The following CDH10 variants were observed in gnomAD, a reference collection of about 807,000 sequenced individuals.
The protein encoded by CDH10 is cadherin 10, also known as cadherin-10.
CDH10 carries 30 observed loss-of-function variants against 73.1 expected under a neutral mutation model. The ratio of observed to expected loss-of-function variants is 0.41; its 90% CI spans 0.31 to 0.56. The LOEUF is 0.56. Ranked by LOEUF, CDH10 falls within the 20% of genes least tolerant of loss-of-function variation. CDH10 has a pLI of 0.27. For missense variants in CDH10, 815 were observed against 973.7 expected, an observed-to-expected ratio of 0.84 and a Z score of 2.17; for synonymous variants, 345 against 348.2, an observed-to-expected ratio of 0.99 and a Z score of 0.10.
At chr5:24,621,654 T>A in intron 1 of CDH10, among the ~76,000 whole-genome samples, 1 of 152,252 alleles carries the variant, frequency 6.6e-6, no homozygotes, top group East Asian at 1.9e-4. Flanking sequence ...AGAGTCATTT[T>A]GACTAAAGAA....
intron 8 of CDH10, among the ~76,000 whole-genome samples, chr5:24,504,240 C>T (rs1432677560): frequency 1.3e-5 from 2 of 152,032 alleles, no homozygotes; most frequent in Non-Finnish European, 2.9e-5. Context: ...TAGAAGATGT[C>T]CTCTCTATAC....
At chr5:24,493,690 A>AT (rs902222934) in intron 9 of CDH10, among the ~76,000 whole-genome samples, 1 of 151,828 alleles carries the variant, frequency 6.6e-6, no homozygotes, top group African/African-American at 2.4e-5. Context: ...TTTAACTTAT[A>AT]TTTATAATAC....
chr5:24,574,946 C>A (rs1745541701), intron 2 of CDH10, among the ~76,000 whole-genome samples: 1 of 151,788 alleles, frequency 6.6e-6, no homozygotes, highest in African/African-American at 2.4e-5. Flanking sequence ...AGTACAAATA[C>A]CTCAATATGT....
At chr5:24,522,476 A>G (rs2111821254) in intron 5 of CDH10, among the ~76,000 whole-genome samples, 1 of 145,896 alleles carries the variant, frequency 6.9e-6, no homozygotes, top group African/African-American at 2.5e-5. Flanking sequence ...GTTCAAATCC[A>G]AAGCAAGAAA....
chr5:24,491,924 G>C (rs1005328118), intron 10 of CDH10, 97 bp from the exon 11 acceptor site: 1 of 698,346 alleles, frequency 1.4e-6, no homozygotes, highest in South Asian at 2.5e-5. Flanking sequence ...ACATATTTAT[G>C]TAAAATATAA....
chr5:24,534,540 G>T (rs1743869789), intron 5 of CDH10, among the ~76,000 whole-genome samples: 2 of 152,044 alleles, frequency 1.3e-5, no homozygotes, highest in Non-Finnish European at 2.9e-5. Flanking sequence ...TGAGAGGTCA[G>T]TTCAAAATAG....
Position 24,593,597 on chromosome 5 carries a change from G to C in CDH10, c.-107C>G. Reference sequence around the variant, plus strand: ...GTTTCCAACATTTCATCAATGTTTTGTTCATGTTTCCCAAAGCTTCAAACA... The same window carrying C: ...GTTTCCAACATTTCATCAATGTTTTCTTCATGTTTCCCAAAGCTTCAAACA... On this transcript the variant is annotated 5_prime_UTR_variant, in exon 2 of 12. Coordinates refer to ENST00000264463, the MANE Select transcript of CDH10 (RefSeq NM_006727.5). The C allele has an allele frequency of 3.3e-6, 2 of 600,418 alleles. No individual in the cohort carries two copies. The highest frequency in any genetic ancestry group is 5.9e-6 in the Non-Finnish European group (2 of 340,170). The allele number at this position is 600,418 out of a possible 1,614,324, so 37.2% of individuals were successfully genotyped here.
In CDH10 at chr5:24,608,992, T is replaced by C. The variant is rs140461248; in HGVS notation, c.-123-15379A>G. On this transcript the variant is annotated intron_variant, in intron 1 of 11. Transcript: ENST00000264463. The stretch of plus-strand genomic sequence containing the variant: ...GGATATAAAGCTCCAAGGGTGTGGA[T>C]AGAATTAGAATAAAGGTGTGATTAT... Among the ~76,000 whole-genome samples the C allele has an allele frequency of 9.8e-5, 15 of 152,334 alleles. 1 individual carries two copies. Among genetic ancestry groups the C allele is most frequent in the African/African-American group, 3.6e-4 (15 of 41,582 alleles).
intron 2 of CDH10, among the ~76,000 whole-genome samples, chr5:24,579,981 C>T (rs1329127784): frequency 1.3e-5 from 2 of 152,084 alleles, no homozygotes; most frequent in African/African-American, 2.4e-5. Flanking sequence ...CTCCCTAATG[C>T]TCTATCGCTT....
intron 8 of CDH10, among the ~76,000 whole-genome samples, chr5:24,500,442 G>A (rs1022283506): frequency 9.2e-5 from 14 of 152,300 alleles, no homozygotes; most frequent in African/African-American, 2.6e-4. Context: ...GGATTCAGTC[G>A]TCAGGTTCTA....
At chr5:24,548,480 CTTTTTTTTT>C (rs70965609) in intron 2 of CDH10, among the ~76,000 whole-genome samples, 2 of 108,730 alleles carry the variant, frequency 1.8e-5, no homozygotes, top group Admixed American at 9.8e-5. Flanking sequence ...CAGTCCTCCT[CTTTTTTTTT>C]TTTTTTTTTT....
At chr5:24,504,044 C>T (rs1742592673) in intron 8 of CDH10, among the ~76,000 whole-genome samples, 1 of 151,950 alleles carries the variant, frequency 6.6e-6, no homozygotes. Context: ...ATAATTCAAG[C>T]TCATTTTTAT....
chr5:24,609,192 T>C (rs1053538610), intron 1 of CDH10, among the ~76,000 whole-genome samples: 13 of 152,194 alleles, frequency 8.5e-5, no homozygotes, highest in African/African-American at 3.1e-4. Context: ...TTACGGATTC[T>C]GAAGAATGGC....
chr5:24,504,651 G>A (rs1468921677), intron 8 of CDH10, among the ~76,000 whole-genome samples: 2 of 150,846 alleles, frequency 1.3e-5, no homozygotes, highest in Admixed American at 1.3e-4. Context: ...TCAGCCTCCT[G>A]AGTAGCTGGG....
intron 3 of CDH10, among the ~76,000 whole-genome samples, chr5:24,536,881 A>C (rs1743973441): frequency 6.6e-6 from 1 of 151,980 alleles, no homozygotes; most frequent in Non-Finnish European, 1.5e-5. Context: ...CATAATAATT[A>C]TAATGATAGG....
chr5:24,565,202 C>G (rs78735604), intron 2 of CDH10, among the ~76,000 whole-genome samples: 1 of 152,054 alleles, frequency 6.6e-6, no homozygotes, highest in Non-Finnish European at 1.5e-5. Context: ...GGAAAGAAAG[C>G]GATGCAAAAT....
At chr5:24,554,119 G>GAGA (rs143196281) in intron 2 of CDH10, 1 of 39,776 alleles carries the variant, frequency 2.5e-5, no homozygotes, top group Non-Finnish European at 5.8e-5. Context: ...GGCGGGGGGG[G>GAGA]GAGAGAGAGA....
intron 2 of CDH10, among the ~76,000 whole-genome samples, chr5:24,566,860 A>G (rs1745182410): frequency 6.6e-6 from 1 of 152,128 alleles, no homozygotes; most frequent in African/African-American, 2.4e-5. Flanking sequence ...CTGCACTAAA[A>G]TTAAAACTTC....
intron 1 of CDH10, among the ~76,000 whole-genome samples, chr5:24,599,061 C>G (rs965781698): frequency 1.3e-5 from 2 of 152,118 alleles, no homozygotes; most frequent in Admixed American, 6.6e-5. Flanking sequence ...ACTCTCTGAG[C>G]AACCTTTTTA....
Sources: gnomAD v4.1 joint callset for allele counts (sites outside exome capture counted in the v4.1 genomes callset) on GRCh38, gnomAD v4.1.1 for gene constraint, MANE v1.5 for transcripts, NCBI Gene and HGNC (gene_info 2026-07-23, HGNC 2026-07-21) for gene names.